Variants in KCND3 observed in about 807,000 individuals in gnomAD.
KCND3 encodes A-type voltage-gated potassium channel KCND3.
A neutral mutation model predicts 51.1 loss-of-function variants in KCND3; 9 were observed. The ratio of observed to expected loss-of-function variants is 0.18; its 90% CI spans 0.11 to 0.31. The LOEUF is 0.31. Among genes scored for constraint, KCND3 ranks in the 10% least tolerant of loss-of-function variants. KCND3 has a pLI of 1.00. For missense variants in KCND3, 526 were observed against 903.8 expected (o/e 0.58, Z 5.36); for synonymous variants, 349 against 368.0 (o/e 0.95, Z 0.59).
intron 2 of KCND3, among the ~76,000 whole-genome samples, chr1:111,831,284 G>A (rs943168880): frequency 1.3e-5 from 2 of 152,216 alleles, no homozygotes; most frequent in African/African-American, 4.8e-5. Context: ...CAAATCTCAT[G>A]TTGAATTGTA....
At chr1:111,804,468 T>C (rs76790752) in intron 2 of KCND3, among the ~76,000 whole-genome samples, 1 of 152,318 alleles carries the variant, frequency 6.6e-6, no homozygotes, top group East Asian at 1.9e-4. Flanking sequence ...CTTCTGTGTT[T>C]TGGGTCTGAC....
At chr1:111,928,950 G>A (rs1483998710) in intron 2 of KCND3, among the ~76,000 whole-genome samples, 1 of 152,228 alleles carries the variant, frequency 6.6e-6, no homozygotes, top group Non-Finnish European at 1.5e-5. Flanking sequence ...AGCCTGTGAT[G>A]GCATCAAGGT....
chr1:111,831,627 T>A (rs1557964792), intron 2 of KCND3, among the ~76,000 whole-genome samples: 1 of 152,188 alleles, frequency 6.6e-6, no homozygotes, highest in Admixed American at 6.5e-5. Flanking sequence ...ATTTTTCCCT[T>A]CAAGGTAACA....
At chr1:111,874,384 C>T (rs1403641979) in intron 2 of KCND3, among the ~76,000 whole-genome samples, 1 of 152,208 alleles carries the variant, frequency 6.6e-6, no homozygotes, top group African/African-American at 2.4e-5. Flanking sequence ...GACTGAGTTG[C>T]TGCCTTGCTT....
chr1:111,849,594 G>T (rs1020892190), intron 2 of KCND3, among the ~76,000 whole-genome samples: 1 of 152,232 alleles, frequency 6.6e-6, no homozygotes, highest in African/African-American at 2.4e-5. Flanking sequence ...GGGAAGCCGA[G>T]GAGTCCAGGT....
intron 2 of KCND3, among the ~76,000 whole-genome samples, chr1:111,941,808 A>T (rs1295531929): frequency 6.6e-6 from 1 of 152,224 alleles, no homozygotes; most frequent in African/African-American, 2.4e-5. Context: ...ACTGCCTTTG[A>T]CATAGGAAAC....
chr1:111,865,881 T>A (rs1011843769), intron 2 of KCND3, among the ~76,000 whole-genome samples: 5 of 152,048 alleles, frequency 3.3e-5, no homozygotes, highest in Admixed American at 3.3e-4. Flanking sequence ...ATTTTTGTAT[T>A]TTTTTGTAGA....
At chr1:111,960,156 C>CT (rs776614954) in intron 2 of KCND3, among the ~76,000 whole-genome samples, 7 of 152,140 alleles carry the variant, frequency 4.6e-5, no homozygotes, top group Non-Finnish European at 8.8e-5. Flanking sequence ...TTGAGTGTGT[C>CT]TTTATTAGCA....
rs370453605 is a variant in KCND3, at chr1:111,982,031, C to G, written c.696G>C (p.Ala232=). The G allele has an allele frequency of 6.2e-7, 1 of 1,613,828 alleles. No individual in the cohort carries two copies. The highest frequency in any genetic ancestry group is 8.5e-7 in the Non-Finnish European group (1 of 1,180,004). ...YSVAFFCLDT[A]CVMIFTVEYL... Reference sequence around the variant, plus strand: ...ACTCCACGGTGAAGATCATGACGCACGCCGTGTCCAGGCAGAAGAAGGCCA... The same window carrying G: ...ACTCCACGGTGAAGATCATGACGCAGGCCGTGTCCAGGCAGAAGAAGGCCA... Residue 232 remains alanine (A), a synonymous_variant, in exon 2 of 8, where the codon GCG becomes GCC. Transcript: ENST00000302127. This position sits in a 1 kb window ranked among gnomAD's most constrained non-coding sequence, Gnocchi z 8.5.
chr1:111,843,159 C>T (rs1355430426), intron 2 of KCND3, among the ~76,000 whole-genome samples: 1 of 152,116 alleles, frequency 6.6e-6, no homozygotes, highest in African/African-American at 2.4e-5. Context: ...TAGCTGGGTT[C>T]TGTGGAGTGG....
At chr1:111,803,996 A>G (rs1298710171) in intron 2 of KCND3, among the ~76,000 whole-genome samples, 1 of 152,022 alleles carries the variant, frequency 6.6e-6, no homozygotes, top group Non-Finnish European at 1.5e-5. Context: ...GCTGTGTCTT[A>G]TGCTACTTTA....
At position 111,952,684 on chromosome 1, in the gene KCND3, C is replaced by T. The variant is rs555735166; in HGVS notation, c.1106+28937G>A. The stretch of plus-strand genomic sequence containing the variant: ...CTCACTCCTTCCCAGAGGGAGATGC[C>T]GAAGGATGGACTTCCCCAGGTCATG... On this transcript the variant is annotated intron_variant, in intron 2 of 7. Coordinates refer to ENST00000302127, the MANE Select transcript of KCND3 (RefSeq NM_001378969.1). Among the ~76,000 whole-genome samples, 87 of 152,178 alleles carry T rather than the reference C, an allele frequency of 5.7e-4. 1 individual carries two copies. Among genetic ancestry groups the T allele is most frequent in the African/African-American group, 2.0e-3 (82 of 41,508 alleles).
rs1664324180 is a variant in KCND3 at position 111,780,404 on chromosome 1, A to G, written c.1372-90T>C. 1 of 1,268,652 alleles carries G rather than the reference A, an allele frequency of 7.9e-7. No individual in the cohort carries two copies. Among genetic ancestry groups the G allele is most frequent in the Non-Finnish European group, 1.1e-6 (1 of 890,670 alleles). The allele number at this position is 1,268,652 out of a possible 1,614,324, so 78.6% of individuals were successfully genotyped here. A position where few individuals can be genotyped will look rare whatever the true frequency, so the allele number is the denominator to read the frequency against. ...TTTCTCCACTAAAGGTCAAAGGGCA[A>G]TAGAATAATCAAATTTTTTTTTATT... On this transcript the variant is annotated intron_variant, in intron 4 of 7. Transcript: ENST00000302127. The surrounding 1 kb of genome is among the most constrained non-coding windows in gnomAD (Gnocchi z 4.2).
chr1:111,853,440 G>A (rs913081400), intron 2 of KCND3, among the ~76,000 whole-genome samples: 11 of 152,100 alleles, frequency 7.2e-5, no homozygotes, highest in Non-Finnish European at 1.6e-4. Context: ...AGAACAATCT[G>A]GGGGGAATCT....
intron 2 of KCND3, among the ~76,000 whole-genome samples, chr1:111,807,518 A>G (rs1262274039): frequency 6.6e-6 from 1 of 152,154 alleles, no homozygotes; most frequent in Non-Finnish European, 1.5e-5. Flanking sequence ...TCTACAAAAA[A>G]TACAAAAAAT....
intron 2 of KCND3, among the ~76,000 whole-genome samples, chr1:111,864,436 C>T (rs916901926): frequency 6.6e-6 from 1 of 152,180 alleles, no homozygotes; most frequent in Admixed American, 6.5e-5. Flanking sequence ...TTCTCGCTCA[C>T]TCTCTCTTTT....
intron 5 of KCND3, among the ~76,000 whole-genome samples, chr1:111,778,848 C>T (rs1664250533): frequency 1.3e-5 from 2 of 152,266 alleles, no homozygotes; most frequent in South Asian, 2.1e-4. Context: ...TTCAGCATTC[C>T]ATCCCTTCAA....
At chr1:111,891,846 A>G (rs1255944101) in intron 2 of KCND3, among the ~76,000 whole-genome samples, 3 of 152,124 alleles carry the variant, frequency 2.0e-5, no homozygotes, top group Admixed American at 2.0e-4. Context: ...CATTTATTCT[A>G]CACATACTTT....
In KCND3 at chr1:111,970,371, G is replaced by A. The variant is rs1356823604; in HGVS notation, c.1106+11250C>T. ...ATTTGCCTGTTCTGTTCACAGATAC[G>A]TCTTTGGCCTCCAGCATGATGCCTG... On this transcript the variant is annotated intron_variant, in intron 2 of 7. Coordinates refer to ENST00000302127, the MANE Select transcript of KCND3 (RefSeq NM_001378969.1). 4.6e-5 allele frequency among the ~76,000 whole-genome samples: 7 copies of A among 152,184 alleles called. No homozygotes were observed. In the South Asian group the frequency reaches 8.3e-4, roughly 18 times the overall value.
Sources: allele counts gnomAD v4.1 joint callset (sites outside exome capture counted in the v4.1 genomes callset), GRCh38; gene constraint gnomAD v4.1.1; non-coding constraint Gnocchi (gnomAD v3.1); transcripts MANE v1.5; gene names NCBI Gene and HGNC (gene_info 2026-07-23, HGNC 2026-07-21).